ZP3: variants seen among roughly 807,000 people sequenced by gnomAD.
ZP3 encodes zona pellucida sperm-binding protein 3.
In ZP3, 21 loss-of-function variants were observed where a neutral mutation model predicts 35.6. That is an observed-to-expected ratio of 0.59 (90% CI 0.42 to 0.85). The LOEUF is 0.85. Ranked by LOEUF, ZP3 falls within the 40% of genes least tolerant of loss-of-function variation. ZP3 has a pLI of 0.00. For missense variants in ZP3, 437 were observed against 536.5 expected (o/e 0.81, Z 1.83); for synonymous variants, 207 against 214.5 (o/e 0.96, Z 0.31).
intron 1 of ZP3, among the ~76,000 whole-genome samples, chr7:76,418,787 C>T (rs1311202127): frequency 2.0e-5 from 3 of 151,984 alleles, no homozygotes; most frequent in African/African-American, 2.4e-5. Flanking sequence ...ACCCGGGAGG[C>T]GGAGCTTGCA....
chr7:76,404,505 T>G, intron 1 of ZP3: 2 of 1,611,392 alleles, frequency 1.2e-6, no homozygotes, highest in South Asian at 2.2e-5. Context: ...AGTTGGAACA[T>G]CTGAAATTAA....
Position 76,426,389 on chromosome 7 carries a change from G to A in ZP3, c.312+1113G>A, listed in dbSNP as rs573010549. Among the ~76,000 whole-genome samples, 9 of 152,298 alleles carry A rather than the reference G, an allele frequency of 5.9e-5. No homozygotes were observed. The East Asian group carries it at 1.4e-3, about 23-fold the overall frequency. Reference sequence around the variant, plus strand: ...TCCCATGGAGGGCCTGTCCTCTCCCGCCTCAGGGGAACCTGGCTCCTCCTC... The same window carrying A: ...TCCCATGGAGGGCCTGTCCTCTCCCACCTCAGGGGAACCTGGCTCCTCCTC... On this transcript the variant is annotated intron_variant, in intron 1 of 7. Coordinates refer to ENST00000394857, the MANE Select transcript of ZP3 (RefSeq NM_001110354.2).
At position 76,433,662 on chromosome 7, in the gene ZP3, C is replaced by T; in HGVS notation, c.713+15C>T. On this transcript the variant is annotated intron_variant, in intron 4 of 7. Coordinates refer to ENST00000394857, the MANE Select transcript of ZP3 (RefSeq NM_001110354.2). Reference sequence around the variant, plus strand: ...GACTTCCATGGGTGAGCACTGGGCTCCCTGCCTAGAGAACCTTCCTAGCAA... The same window carrying T: ...GACTTCCATGGGTGAGCACTGGGCTTCCTGCCTAGAGAACCTTCCTAGCAA... 1 of 1,583,478 alleles carries T rather than the reference C, an allele frequency of 6.3e-7. No homozygotes were observed. The highest frequency in any genetic ancestry group is 2.3e-5 in the East Asian group (1 of 44,342).
At chr7:76,433,133 G>A in intron 3 of ZP3, 103 bp downstream of exon 3, 1 of 472,894 alleles carries the variant, frequency 2.1e-6, no homozygotes, top group Non-Finnish European at 3.8e-6. Context: ...TTTTGGTTTT[G>A]GTTGGTTTTG....
upstream of ZP3, among the ~76,000 whole-genome samples, chr7:76,420,906 CGTGTGTGTGTGT>C (rs55828330): frequency 4.8e-5 from 7 of 144,606 alleles, no homozygotes; most frequent in African/African-American, 1.5e-4. Context: ...TATATTTCCA[CGTGTGTGTGTGT>C]GTGTGTGTGT....
At chr7:76,440,367 T>C (rs763754686) in intron 6 of ZP3, 26 bp downstream of exon 6, 1 of 1,610,068 alleles carries the variant, frequency 6.2e-7, no homozygotes, top group East Asian at 2.2e-5. Context: ...GCTCCGTGAC[T>C]GGAGTAGAAA....
At chr7:76,437,733 A>G (rs1402671389) in intron 5 of ZP3, among the ~76,000 whole-genome samples, 3 of 149,186 alleles carry the variant, frequency 2.0e-5, no homozygotes, top group African/African-American at 5.0e-5. Context: ...TCCTGACCTC[A>G]GGTGATCCAC....
intron 1 of ZP3, among the ~76,000 whole-genome samples, chr7:76,401,285 A>C (rs1409494640): frequency 6.6e-6 from 1 of 152,136 alleles, no homozygotes; most frequent in African/African-American, 2.4e-5. Flanking sequence ...GTAAATCTGT[A>C]GATCTGCACA....
Position 76,440,566 on chromosome 7 carries a change from G to A in ZP3, c.1015G>A (p.Val339Ile), listed in dbSNP as rs779822538. 1 of 1,614,044 alleles carries A rather than the reference G, an allele frequency of 6.2e-7. No homozygotes were observed. The highest frequency in any genetic ancestry group is 8.5e-7 in the Non-Finnish European group (1 of 1,180,020). ...AAGCCATTCCAGGAGGCAGCCTCATGTCATGAGCCAGTGGTCCAGGTCTGC... is the reference window on the plus strand; with the variant it reads ...AAGCCATTCCAGGAGGCAGCCTCATATCATGAGCCAGTGGTCCAGGTCTGC... ...TPSHSRRQPHVMSQWSRSASR... is the reference protein window; with the variant it reads ...TPSHSRRQPHIMSQWSRSASR... The change falls in exon 7 of 8, where the codon GTC (valine) becomes ATC (isoleucine). Residue 339 changes from valine to isoleucine, a missense_variant. Val to Ile is a conservative substitution (Grantham distance 29). This residue lies in a region of ZP3 where 41 missense variants were observed against 50.2 expected (regional missense o/e 0.82). Transcript: ENST00000394857.
chr7:76,436,730 G>C (rs570269291), intron 5 of ZP3, among the ~76,000 whole-genome samples: 2 of 152,254 alleles, frequency 1.3e-5, no homozygotes, highest in Non-Finnish European at 2.9e-5. Flanking sequence ...ATCAGTGACC[G>C]ATAGCTCCTT....
chr7:76,410,102 G>A (rs796613583), intron 1 of ZP3, among the ~76,000 whole-genome samples: 11 of 150,666 alleles, frequency 7.3e-5, no homozygotes, highest in South Asian at 2.1e-4. Context: ...GCACGATTTC[G>A]GCTCCCTGCA....
At chr7:76,416,126 G>A (rs754297695) in intron 1 of ZP3, among the ~76,000 whole-genome samples, 4 of 147,348 alleles carry the variant, frequency 2.7e-5, no homozygotes, top group Admixed American at 6.8e-5. Flanking sequence ...GCAAAACTCC[G>A]TCTCAAAAAA....
At chr7:76,423,048 A>AAAGAAAGAAAGAAAGG (rs1805555787), upstream of ZP3, among the ~76,000 whole-genome samples, 1 of 145,428 alleles carries the variant, frequency 6.9e-6, no homozygotes, top group Non-Finnish European at 1.5e-5. Flanking sequence ...AGAAAGAAAG[A>AAAGAAAGAAAGAAAGG]AAGAAAGAAA....
chr7:76,399,974 C>G (rs76789823), intron 1 of ZP3, among the ~76,000 whole-genome samples: 27,780 of 152,112 alleles, frequency 0.18, 2,719 homozygotes, highest in South Asian at 0.25. Flanking sequence ...CGGGACCAAA[C>G]AGTGAGACCT....
chr7:76,414,696 C>CTTT (rs562055219), intron 1 of ZP3, among the ~76,000 whole-genome samples: 20 of 53,192 alleles, frequency 3.8e-4, no homozygotes, highest in East Asian at 8.1e-4. Context: ...CCTCCTCCTC[C>CTTT]TTTTTTTTTT....
intron 1 of ZP3, among the ~76,000 whole-genome samples, chr7:76,428,019 A>G (rs1218753056): frequency 6.6e-6 from 1 of 152,030 alleles, no homozygotes; most frequent in African/African-American, 2.4e-5. Context: ...AGGTGGGGAT[A>G]GTGAGCTTAG....
At chr7:76,432,125 C>T (rs1178663224) in intron 2 of ZP3, among the ~76,000 whole-genome samples, 2 of 151,608 alleles carry the variant, frequency 1.3e-5, no homozygotes, top group Non-Finnish European at 2.9e-5. Flanking sequence ...TGGGCTCAAG[C>T]AATCCTCCCA....
chr7:76,401,255 A>G (rs1804818913), intron 1 of ZP3, among the ~76,000 whole-genome samples: 2 of 152,098 alleles, frequency 1.3e-5, no homozygotes, highest in Admixed American at 6.6e-5. Context: ...CCCTGGGCCA[A>G]CCTAGAGAGA....
intron 5 of ZP3, among the ~76,000 whole-genome samples, chr7:76,435,605 T>C (rs1231704035): frequency 6.6e-6 from 1 of 152,266 alleles, no homozygotes; most frequent in Non-Finnish European, 1.5e-5. Context: ...GTAGAGAGTC[T>C]CATACCTTCA....
Sources: allele counts gnomAD v4.1 joint callset (sites outside exome capture counted in the v4.1 genomes callset), GRCh38; gene constraint gnomAD v4.1.1; regional missense constraint gnomAD v4.1.1; transcripts MANE v1.5; gene names NCBI Gene and HGNC (gene_info 2026-07-23, HGNC 2026-07-21).